CTNNA3: variants seen among roughly 807,000 people sequenced by gnomAD.
The protein encoded by CTNNA3 is catenin alpha-3.
Under a neutral mutation model 95.7 loss-of-function variants are expected in CTNNA3, and 76 were observed. The ratio of observed to expected loss-of-function variants is 0.79; its 90% CI spans 0.66 to 0.96. The LOEUF (loss-of-function observed/expected upper bound fraction) is 0.96. Among genes scored for constraint, CTNNA3 ranks in the 40% least tolerant of loss-of-function variants. The pLI is 0.00. For synonymous variants in CTNNA3, 431 were observed against 374.4 expected, an observed-to-expected ratio of 1.15 and a Z score of -1.74; for missense variants, 1,191 against 1,089.8, an observed-to-expected ratio of 1.09 and a Z score of -1.31.
chr10:66,888,181 A>G (rs1845118379), intron 7 of CTNNA3, among the ~76,000 whole-genome samples: 2 of 152,184 alleles, frequency 1.3e-5, no homozygotes, highest in Non-Finnish European at 2.9e-5. Context: ...TCTGAGCTGT[A>G]GTGGCCCATG....
At chr10:67,076,757 T>C (rs1856770120) in intron 7 of CTNNA3, among the ~76,000 whole-genome samples, 1 of 152,110 alleles carries the variant, frequency 6.6e-6, no homozygotes, top group Admixed American at 6.6e-5. Flanking sequence ...TACTACAACA[T>C]AAACTAAGAG....
At chr10:66,337,915 TA>T (rs2132344197) in intron 12 of CTNNA3, among the ~76,000 whole-genome samples, 1 of 152,090 alleles carries the variant, frequency 6.6e-6, no homozygotes, top group South Asian at 2.1e-4. Flanking sequence ...CTATATAAGA[TA>T]AAGATAAATG....
chr10:66,919,213 A>C (rs940267673), intron 7 of CTNNA3, among the ~76,000 whole-genome samples: 7 of 151,532 alleles, frequency 4.6e-5, no homozygotes, highest in Non-Finnish European at 8.8e-5. Flanking sequence ...TATTGCACTT[A>C]TGTGGGAAGA....
intron 7 of CTNNA3, among the ~76,000 whole-genome samples, chr10:66,940,290 C>G (rs1847931067): frequency 6.6e-6 from 1 of 151,994 alleles, no homozygotes; most frequent in African/African-American, 2.4e-5. Flanking sequence ...CACTTGAGCT[C>G]TCAAGACCAG....
chr10:66,090,316 T>A (rs2081166127), intron 14 of CTNNA3, among the ~76,000 whole-genome samples: 1 of 151,992 alleles, frequency 6.6e-6, no homozygotes, highest in African/African-American at 2.4e-5. Context: ...GCAAGGTGAA[T>A]GTTGCCAAGC....
chr10:66,380,364 C>A (rs1020603485), intron 11 of CTNNA3, among the ~76,000 whole-genome samples: 4 of 151,982 alleles, frequency 2.6e-5, no homozygotes, highest in Non-Finnish European at 5.9e-5. Context: ...AATCCTAGTA[C>A]TTTGGGAGAC....
At chr10:66,467,715 A>C (rs1050206093) in intron 11 of CTNNA3, among the ~76,000 whole-genome samples, 1 of 152,246 alleles carries the variant, frequency 6.6e-6, no homozygotes, top group African/African-American at 2.4e-5. Context: ...AAAAGGGTTT[A>C]GAAAAAACAA....
intron 10 of CTNNA3, among the ~76,000 whole-genome samples, chr10:66,556,606 G>A (rs1364520652): frequency 1.3e-5 from 2 of 152,004 alleles, no homozygotes; most frequent in Non-Finnish European, 2.9e-5. Flanking sequence ...ATTAAGCTGA[G>A]TGAATGAAGA....
intron 11 of CTNNA3, among the ~76,000 whole-genome samples, chr10:66,442,973 C>T (rs2093386928): frequency 1.3e-5 from 2 of 152,174 alleles, no homozygotes; most frequent in Non-Finnish European, 2.9e-5. Context: ...CTGCACTTTT[C>T]CAATGGGCTT....
intron 15 of CTNNA3, among the ~76,000 whole-genome samples, chr10:65,999,595 C>T (rs983829913): frequency 6.6e-6 from 1 of 152,078 alleles, no homozygotes; most frequent in African/African-American, 2.4e-5. Context: ...TACTGAATGC[C>T]AAACAAAATA....
At chr10:66,344,428 G>A (rs1353894265) in intron 12 of CTNNA3, among the ~76,000 whole-genome samples, 7 of 151,094 alleles carry the variant, frequency 4.6e-5, no homozygotes, top group East Asian at 2.0e-4. Context: ...CACCATGCCC[G>A]GCTCATTTTT....
intron 5 of CTNNA3, among the ~76,000 whole-genome samples, chr10:67,359,318 T>C (rs560968539): frequency 1.3e-5 from 2 of 151,066 alleles, no homozygotes; most frequent in Non-Finnish European, 2.9e-5. Context: ...ACTCTGGTAA[T>C]TAAAAAAGTC....
chr10:66,667,088 T>C (rs1846478960), intron 9 of CTNNA3, among the ~76,000 whole-genome samples: 1 of 152,158 alleles, frequency 6.6e-6, no homozygotes, highest in Non-Finnish European at 1.5e-5. Flanking sequence ...TAAAACTATC[T>C]ATCTAACCTA....
At chr10:66,077,952 G>A (rs192794741) in intron 14 of CTNNA3, among the ~76,000 whole-genome samples, 26 of 151,718 alleles carry the variant, frequency 1.7e-4, no homozygotes, top group African/African-American at 9.6e-5. Context: ...TTGTTTAGGG[G>A]CATCAACACT....
chr10:66,107,029 G>T (rs2081941253), intron 13 of CTNNA3, among the ~76,000 whole-genome samples: 1 of 152,034 alleles, frequency 6.6e-6, no homozygotes, highest in African/African-American at 2.4e-5. Context: ...TCTTTTAATT[G>T]GACTTTAATC....
intron 13 of CTNNA3, among the ~76,000 whole-genome samples, chr10:66,148,461 A>G (rs928998497): frequency 9.9e-5 from 15 of 152,052 alleles, no homozygotes. Context: ...TGCAGAAGTG[A>G]TTAGTCGTGA....
Position 66,927,353 on chromosome 10 carries a change from A to G in CTNNA3, c.1048-151829T>C, listed in dbSNP as rs1178998732. 3.7e-6 allele frequency: 6 copies of G among 1,614,060 alleles called. No homozygotes were observed. Among genetic ancestry groups the G allele is most frequent in the Non-Finnish European group, 3.4e-6 (4 of 1,180,036 alleles). ...TTGGATCTGTCCTATAATCAGCTGCATTCTCTGGGATCTGAACAGTTTCGG... is the reference window on the plus strand; with the variant it reads ...TTGGATCTGTCCTATAATCAGCTGCGTTCTCTGGGATCTGAACAGTTTCGG... On this transcript the variant is annotated intron_variant, in intron 7 of 17. Coordinates refer to ENST00000433211, the MANE Select transcript of CTNNA3 (RefSeq NM_013266.4). This position sits in a 1 kb window ranked among gnomAD's most constrained non-coding sequence, Gnocchi z 4.7.
At chr10:66,274,438 T>C (rs2091349477) in intron 13 of CTNNA3, among the ~76,000 whole-genome samples, 1 of 152,054 alleles carries the variant, frequency 6.6e-6, no homozygotes, top group Non-Finnish European at 1.5e-5. Context: ...GATTCACATA[T>C]ATGAGAAATA....
At chr10:66,902,449 C>T (rs568104859) in intron 7 of CTNNA3, among the ~76,000 whole-genome samples, 1 of 151,848 alleles carries the variant, frequency 6.6e-6, no homozygotes, top group Admixed American at 6.6e-5. Flanking sequence ...AAATCGACAC[C>T]CTAACATCAC....
Sources: gnomAD v4.1 joint callset for allele counts (sites outside exome capture counted in the v4.1 genomes callset) on GRCh38, gnomAD v4.1.1 for gene constraint, Gnocchi (gnomAD v3.1) non-coding constraint, MANE v1.5 for transcripts, NCBI Gene and HGNC (gene_info 2026-07-23, HGNC 2026-07-21) for gene names.